The following KYNU variants were observed in gnomAD, a reference collection of about 807,000 sequenced individuals.
KYNU encodes L-kynurenine hydrolase.
In KYNU, 54 loss-of-function variants were observed where a neutral mutation model predicts 59.2. The observed-to-expected ratio is 0.91, with a 90% CI of 0.73 to 1.14. The LOEUF is 1.14. Among genes scored for constraint, KYNU ranks in the 50% most tolerant of loss-of-function variants. KYNU has a pLI of 0.00. For missense variants in KYNU, 567 were observed against 554.4 expected (o/e 1.02, Z -0.23); for synonymous variants, 177 against 192.0 (o/e 0.92, Z 0.65).
intron 8 of KYNU, among the ~76,000 whole-genome samples, chr2:142,973,482 C>G (rs1434282171): frequency 6.6e-6 from 1 of 152,154 alleles, no homozygotes; most frequent in East Asian, 1.9e-4. Flanking sequence ...TGGCAGGTCT[C>G]TTAGGCAGTT....
rs950317822 is a variant in KYNU at position 143,048,826 on chromosome 2, A to G, written c.*6654A>G. The G allele has an allele frequency of 1.3e-5, 2 of 152,210 alleles. No homozygotes were observed. Among genetic ancestry groups the G allele is most frequent in the African/African-American group, 4.8e-5 (2 of 41,450 alleles). 9.4% of individuals were successfully genotyped at this position (152,210 alleles called of 1,614,324 possible). A position where few individuals can be genotyped will look rare whatever the true frequency, so the allele number is the denominator to read the frequency against. On this transcript the variant is annotated 3_prime_UTR_variant, in exon 14 of 14. Coordinates refer to ENST00000264170, the MANE Select transcript of KYNU (RefSeq NM_003937.3). Reference sequence around the variant, plus strand: ...CCATCTCATGCCAGTCAGAATGGCAATCATTAAAAAGTCAGGAAACAATAG... The same window carrying G: ...CCATCTCATGCCAGTCAGAATGGCAGTCATTAAAAAGTCAGGAAACAATAG...
intron 4 of KYNU, among the ~76,000 whole-genome samples, chr2:142,934,798 G>A (rs1416090609): frequency 7.2e-5 from 11 of 152,176 alleles, no homozygotes; most frequent in Admixed American, 5.9e-4. Flanking sequence ...GGCCAGCTTC[G>A]GAAGGGATGG....
At chr2:142,894,781 A>G (rs574004571) in intron 2 of KYNU, among the ~76,000 whole-genome samples, 1 of 152,300 alleles carries the variant, frequency 6.6e-6, no homozygotes, top group Non-Finnish European at 1.5e-5. Flanking sequence ...AACTAATGCC[A>G]TAGTTCAATT....
intron 11 of KYNU, among the ~76,000 whole-genome samples, chr2:143,032,553 G>T (rs1003335892): frequency 6.6e-6 from 1 of 152,166 alleles, no homozygotes; most frequent in African/African-American, 2.4e-5. Context: ...CATTCTTTTA[G>T]TCAGTCATAG....
intron 10 of KYNU, among the ~76,000 whole-genome samples, chr2:143,023,745 A>G (rs1295805494): frequency 6.6e-6 from 1 of 151,968 alleles, no homozygotes; most frequent in Non-Finnish European, 1.5e-5. Flanking sequence ...AGAATAAAGA[A>G]AAAGAAAAAT....
chr2:142,914,095 A>T (rs1415073763), intron 2 of KYNU, among the ~76,000 whole-genome samples: 1 of 152,178 alleles, frequency 6.6e-6, no homozygotes, highest in East Asian at 1.9e-4. Context: ...CTTAAGTGGT[A>T]CCCCTGCAAA....
intron 2 of KYNU, among the ~76,000 whole-genome samples, chr2:142,912,819 C>T (rs1468313622): frequency 6.7e-6 from 1 of 150,140 alleles, no homozygotes; most frequent in Non-Finnish European, 1.5e-5. Flanking sequence ...ACGCCATTCA[C>T]CTACTTCAGC....
intron 7 of KYNU, chr2:142,957,942 A>G (rs1201926523): frequency 2.1e-6 from 1 of 473,030 alleles, no homozygotes; most frequent in African/African-American, 2.0e-5. Flanking sequence ...CAAGCAAACT[A>G]TTTTTCTGTT....
intron 12 of KYNU, among the ~76,000 whole-genome samples, chr2:143,038,550 C>T (rs971288552): frequency 3.3e-5 from 5 of 152,084 alleles, no homozygotes; most frequent in South Asian, 2.1e-4. Context: ...AGATCTCTCT[C>T]GGGAGCTTAT....
chr2:142,996,584 A>G (rs1685552791), intron 10 of KYNU, among the ~76,000 whole-genome samples: 1 of 152,096 alleles, frequency 6.6e-6, no homozygotes, highest in African/African-American at 2.4e-5. Flanking sequence ...GATGAAATGT[A>G]AGCTAACTGG....
rs1464775350 is a variant in KYNU, at chr2:143,051,182, C to T, written c.*9010C>T. 4 of 152,050 alleles carry T rather than the reference C, an allele frequency of 2.6e-5. No homozygotes were observed. The allele number at this position is 152,050 out of a possible 1,614,324, so 9.4% of individuals were successfully genotyped here. On this transcript the variant is annotated 3_prime_UTR_variant, in exon 14 of 14. Transcript: ENST00000264170. The stretch of plus-strand genomic sequence containing the variant: ...TTTGACTAATTCTCTAGTTTTTCAA[C>T]TTTTGATTGTTTAAGATGGTTCTTG...
intron 1 of KYNU, among the ~76,000 whole-genome samples, chr2:142,883,968 T>G (rs748333144): frequency 6.6e-6 from 1 of 152,352 alleles, no homozygotes; most frequent in Non-Finnish European, 1.5e-5. Context: ...CAAAACTATA[T>G]GTAAATCTAA....
intron 12 of KYNU, among the ~76,000 whole-genome samples, chr2:143,038,524 C>G (rs1192752867): frequency 6.6e-6 from 1 of 152,140 alleles, no homozygotes; most frequent in East Asian, 1.9e-4. Flanking sequence ...TCTTGGAGCA[C>G]TATTATTTGT....
rs964668748 is a variant in KYNU, at chr2:142,895,579, T to C, written c.169+10043T>C. 9.2e-5 allele frequency among the ~76,000 whole-genome samples: 14 copies of C among 152,374 alleles called. No individual in the cohort carries two copies. In the East Asian group the frequency reaches 2.7e-3, roughly 29 times the overall value. On this transcript the variant is annotated intron_variant, in intron 2 of 13. Coordinates refer to ENST00000264170, the MANE Select transcript of KYNU (RefSeq NM_003937.3). Reference sequence around the variant, plus strand: ...TTTGGTGATTATGAATAGCTACTATTAACATTCATGTACAGGATTTTGTGT... The same window carrying C: ...TTTGGTGATTATGAATAGCTACTATCAACATTCATGTACAGGATTTTGTGT...
chr2:142,977,632 C>T (rs941554230), intron 8 of KYNU, among the ~76,000 whole-genome samples: 1 of 151,950 alleles, frequency 6.6e-6, no homozygotes, highest in Non-Finnish European at 1.5e-5. Context: ...TTGCTATTCT[C>T]ATTGAACTAT....
chr2:142,952,476 T>C (rs1484362340), intron 4 of KYNU, among the ~76,000 whole-genome samples: 1 of 152,162 alleles, frequency 6.6e-6, no homozygotes, highest in African/African-American at 2.4e-5. Context: ...CAGGTTCCAC[T>C]CTGTCACCCA....
intron 4 of KYNU, among the ~76,000 whole-genome samples, chr2:142,943,014 C>T (rs1331860065): frequency 6.6e-6 from 1 of 152,108 alleles, no homozygotes; most frequent in Non-Finnish European, 1.5e-5. Context: ...AATGTACATG[C>T]TTGAGCCCAC....
chr2:143,013,853 G>C (rs1007697062), intron 10 of KYNU, among the ~76,000 whole-genome samples: 5 of 152,194 alleles, frequency 3.3e-5, no homozygotes, highest in Admixed American at 2.6e-4. Context: ...AGTACATTGA[G>C]ATGTGCTTGT....
intron 12 of KYNU, among the ~76,000 whole-genome samples, chr2:143,038,122 T>C (rs1055220086): frequency 6.6e-6 from 1 of 152,176 alleles, no homozygotes; most frequent in African/African-American, 2.4e-5. Flanking sequence ...CAAGTTTTAC[T>C]AACCTATGCA....
Sources: allele counts gnomAD v4.1 joint callset (sites outside exome capture counted in the v4.1 genomes callset), GRCh38; gene constraint gnomAD v4.1.1; transcripts MANE v1.5; gene names NCBI Gene and HGNC (gene_info 2026-07-23, HGNC 2026-07-21).